ARHGAP8: variants seen among roughly 807,000 people sequenced by gnomAD.
ARHGAP8 encodes the protein rho GTPase-activating protein 8.
A neutral mutation model predicts 46.1 loss-of-function variants in ARHGAP8; 62 were observed. The observed-to-expected ratio is 1.34, with a 90% CI of 1.10 to 1.66. The LOEUF (loss-of-function observed/expected upper bound fraction) is 1.66, where lower values mean the gene tolerates loss of function less well. Among genes scored for constraint, ARHGAP8 ranks in the 40% most tolerant of loss-of-function variants. ARHGAP8 has a pLI of 0.00. For missense variants in ARHGAP8, 923 were observed against 568.4 expected (o/e 1.62, Z -6.34); for synonymous variants, 375 against 243.1 (o/e 1.54, Z -5.05).
Position 44,862,675 on chromosome 22 carries a change from T to A in ARHGAP8, c.*80T>A. 3 of 1,459,352 alleles carry A rather than the reference T, an allele frequency of 2.1e-6. No individual in the cohort carries two copies. Among genetic ancestry groups the A allele is most frequent in the Non-Finnish European group, 1.8e-6 (2 of 1,100,638 alleles). The allele number at this position is 1,459,352 out of a possible 1,614,324, so 90.4% of individuals were successfully genotyped here. On this transcript the variant is annotated 3_prime_UTR_variant, in exon 12 of 12. Transcript: ENST00000356099. ...GTATGTTTTGTAAACTTGGCATCTG[T>A]AAAAATAACCAGCCATTAGATGAAT...
chr22:44,862,649 T>C lies in ARHGAP8; in HGVS notation c.*54T>C. The C allele has an allele frequency of 6.7e-7, 1 of 1,503,734 alleles. No individual in the cohort carries two copies. The highest frequency in any genetic ancestry group is 8.9e-7 in the Non-Finnish European group (1 of 1,125,754). The allele number at this position is 1,503,734 out of a possible 1,614,324, so 93.1% of individuals were successfully genotyped here. A position where few individuals can be genotyped will look rare whatever the true frequency, so the allele number is the denominator to read the frequency against. ...TACCTCCCACACCTGTCTGTGCACTTGTATGTTTTGTAAACTTGGCATCTG... is the reference window on the plus strand; with the variant it reads ...TACCTCCCACACCTGTCTGTGCACTCGTATGTTTTGTAAACTTGGCATCTG... On this transcript the variant is annotated 3_prime_UTR_variant, in exon 12 of 12. Coordinates refer to ENST00000356099, the MANE Select transcript of ARHGAP8 (RefSeq NM_181335.3).
intron 1 of ARHGAP8, among the ~76,000 whole-genome samples, chr22:44,774,975 C>T (rs1219519021): frequency 3.3e-5 from 5 of 151,854 alleles, no homozygotes; most frequent in Admixed American, 3.3e-4. Context: ...GGACAACAGG[C>T]ACTCACCACC....
chr22:44,759,197 C>T (rs886680881), intron 1 of ARHGAP8, among the ~76,000 whole-genome samples: 2 of 152,178 alleles, frequency 1.3e-5, no homozygotes, highest in African/African-American at 2.4e-5. Flanking sequence ...AGTCCCTGCT[C>T]GTGTCCCCAG....
At chr22:44,859,635 G>C in intron 10 of ARHGAP8, 96 bp from the exon 11 acceptor site, 1 of 1,345,898 alleles carries the variant, frequency 7.4e-7, no homozygotes, top group South Asian at 1.2e-5. Context: ...CATCCTCAGA[G>C]CTGTCCTTCC....
intron 2 of ARHGAP8, among the ~76,000 whole-genome samples, chr22:44,794,384 C>T (rs1669491428): frequency 6.6e-6 from 1 of 152,206 alleles, no homozygotes; most frequent in South Asian, 2.1e-4. Context: ...AGGCTGGGTA[C>T]AGCCCTTTGC....
At chr22:44,813,459 G>C (rs543259683) in intron 4 of ARHGAP8, among the ~76,000 whole-genome samples, 2 of 90,236 alleles carry the variant, frequency 2.2e-5, no homozygotes, top group East Asian at 7.1e-4. Context: ...CCCACCTACA[G>C]TACATACACC....
intron 3 of ARHGAP8, 37 bp from the exon 4 acceptor site, chr22:44,808,270 G>A: frequency 1.3e-6 from 2 of 1,596,884 alleles, no homozygotes; most frequent in East Asian, 2.2e-5. Context: ...TAATGAGTAG[G>A]TGATTTTCAT....
intron 5 of ARHGAP8, among the ~76,000 whole-genome samples, chr22:44,815,166 A>G (rs989002333): frequency 6.6e-6 from 1 of 152,208 alleles, no homozygotes; most frequent in African/African-American, 2.4e-5. Flanking sequence ...TGAGTCCAGG[A>G]GGACCAAGTG....
rs1929608666 is a variant in ARHGAP8 at position 44,814,710 on chromosome 22, C to T, written c.338C>T (p.Pro113Leu). ...TTGAAGGCCCTCTACGTGGTGCACC[C>T]CACCAGCTTCATCAAGGTCCTGTGG... is the stretch of plus-strand genomic sequence containing the variant. ...KNLKALYVVH[P>L]TSFIKVLWNI... The change falls in exon 5 of 12, where the codon CCC becomes CTC. Residue 113 changes from proline to leucine, a missense_variant. Pro to Leu is a moderately conservative substitution (Grantham distance 98). Coordinates refer to ENST00000356099, the MANE Select transcript of ARHGAP8 (RefSeq NM_181335.3). 1 of 1,613,992 alleles carries T rather than the reference C, an allele frequency of 6.2e-7. No individual in the cohort carries two copies. The highest frequency in any genetic ancestry group is 1.1e-5 in the South Asian group (1 of 91,070).
chr22:44,853,704 G>A lies in ARHGAP8; in HGVS notation c.877+4644G>A, dbSNP rs369245694. 5.3e-5 allele frequency among the ~76,000 whole-genome samples: 8 copies of A among 152,214 alleles called. No homozygotes were observed. In the East Asian group the frequency reaches 5.8e-4, roughly 11 times the overall value. ...GGAATCTCAGATTCACTTTTTAAAA[G>A]CCTCTTGAGGCTAGAAAGCCAAGTT... On this transcript the variant is annotated intron_variant, in intron 10 of 11. Transcript: ENST00000356099.
At chr22:44,772,909 C>G (rs906655657) in intron 1 of ARHGAP8, among the ~76,000 whole-genome samples, 5 of 149,774 alleles carry the variant, frequency 3.3e-5, no homozygotes, top group African/African-American at 1.2e-4. Context: ...GCCCTGACCT[C>G]CTGGGTTCAA....
In ARHGAP8 at chr22:44,835,755, G is replaced by A. The variant is rs182557482; in HGVS notation, c.597-9514G>A. ...TGATGGTGATCTTATTAGCAAGCAG[G>A]ACCATGTGGCCCTTTTAGTTTCTCC... is the stretch of plus-strand genomic sequence containing the variant. On this transcript the variant is annotated intron_variant, in intron 7 of 11. Transcript: ENST00000356099. Among the ~76,000 whole-genome samples the A allele has an allele frequency of 4.6e-5, 7 of 152,322 alleles. No individual in the cohort carries two copies. In the East Asian group the frequency reaches 7.7e-4, roughly 17 times the overall value.
intron 10 of ARHGAP8, among the ~76,000 whole-genome samples, chr22:44,855,340 T>A (rs1371702622): frequency 6.6e-6 from 1 of 151,910 alleles, no homozygotes; most frequent in African/African-American, 2.4e-5. Context: ...TTTTAAATAT[T>A]TTTTTGTAAA....
Position 44,862,471 on chromosome 22 carries a change from C to CA in ARHGAP8, c.1179dup (p.Pro394ThrfsTer81), listed in dbSNP as rs1569191742. ...GAGGCACCTGGGGAGCACGGCCTGG[C>CA]ACCATGGGAACAGGGGAGCAGGGCA... On this transcript the variant is annotated frameshift_variant, in exon 12 of 12. Transcript: ENST00000356099. LOFTEE classifies it low-confidence loss of function (END_TRUNC). 1.9e-6 allele frequency: 3 copies of CA among 1,613,984 alleles called. No homozygotes were observed. The Admixed American group carries it at 5.0e-5, about 27-fold the overall frequency.
Position 44,862,774 on chromosome 22 carries a change from G to A in ARHGAP8, c.*179G>A. The A allele has an allele frequency of 4.2e-6, 3 of 719,334 alleles. No individual in the cohort carries two copies. Among genetic ancestry groups the A allele is most frequent in the Non-Finnish European group, 6.3e-6 (3 of 472,818 alleles). 44.6% of individuals were successfully genotyped at this position (719,334 alleles called of 1,614,324 possible). ...TCCATGGTTCCTGAGCTGTGGACCG[G>A]GATAGAATAATGCATTTGTTAGGAT... On this transcript the variant is annotated 3_prime_UTR_variant, in exon 12 of 12. Transcript: ENST00000356099.
intron 2 of ARHGAP8, among the ~76,000 whole-genome samples, chr22:44,795,130 C>T (rs149786333): frequency 8.7e-4 from 133 of 152,014 alleles, no homozygotes; most frequent in African/African-American, 3.1e-3. Flanking sequence ...GAGTAAAAAG[C>T]CTTCAACAAC....
chr22:44,786,336 A>C, intron 1 of ARHGAP8, 121 bp from the exon 2 acceptor site: 13 of 1,273,562 alleles, frequency 1.0e-5, no homozygotes, highest in Non-Finnish European at 1.4e-5. Context: ...CGGCTGAGGT[A>C]GGGCGCGTAG....
intron 7 of ARHGAP8, among the ~76,000 whole-genome samples, chr22:44,836,618 C>T (rs948362483): frequency 6.6e-6 from 1 of 151,402 alleles, no homozygotes; most frequent in Admixed American, 6.6e-5. Flanking sequence ...CTGCCCATTT[C>T]TCTGGGCATC....
At chr22:44,858,533 C>CTTTTTTTTTTTTTTTTTT (rs10700242) in intron 10 of ARHGAP8, among the ~76,000 whole-genome samples, 2 of 89,780 alleles carry the variant, frequency 2.2e-5, no homozygotes, top group Non-Finnish European at 4.0e-5. Flanking sequence ...CCATACCCGG[C>CTTTTTTTTTTTTTTTTTT]TTTTTTTTTT....
Sources: gnomAD v4.1 joint callset for allele counts (sites outside exome capture counted in the v4.1 genomes callset) on GRCh38, gnomAD v4.1.1 for gene constraint, MANE v1.5 for transcripts, NCBI Gene and HGNC (gene_info 2026-07-23, HGNC 2026-07-21) for gene names.